ITPR2: variants seen among roughly 807,000 people sequenced by gnomAD.
The protein encoded by ITPR2 is inositol 1,4,5-trisphosphate receptor type 2, also known as inositol 1,4,5-trisphosphate-gated calcium channel ITPR2.
In ITPR2, 207 loss-of-function variants were observed where a neutral mutation model predicts 317.1. The observed-to-expected ratio is 0.65, with a 90% confidence interval of 0.58 to 0.73. The LOEUF is 0.73. Among genes scored for constraint, ITPR2 ranks in the 30% least tolerant of loss-of-function variants. ITPR2 has a pLI of 0.00. For missense variants in ITPR2, 2,613 were observed against 3,284.0 expected (o/e 0.80, Z 4.99); for synonymous variants, 1,156 against 1,149.1 (o/e 1.01, Z -0.12).
At chr12:26,741,655 G>A (rs907212959) in intron 2 of ITPR2, among the ~76,000 whole-genome samples, 7 of 152,192 alleles carry the variant, frequency 4.6e-5, no homozygotes, top group African/African-American at 1.2e-4. Flanking sequence ...TCCCCTGAAC[G>A]TGTAAGAAAA....
chr12:26,762,298 T>A (rs1949649482), intron 2 of ITPR2, among the ~76,000 whole-genome samples: 1 of 152,186 alleles, frequency 6.6e-6, no homozygotes, highest in Non-Finnish European at 1.5e-5. Flanking sequence ...ACACATTAAA[T>A]CATTCTCAAA....
At chr12:26,495,349 T>G in intron 37 of ITPR2, 89 bp from the exon 38 acceptor site, 1 of 695,344 alleles carries the variant, frequency 1.4e-6, no homozygotes, top group Non-Finnish European at 2.4e-6. Context: ...ATGCATTTTG[T>G]GAATGATGTT....
rs557519179 is a variant in ITPR2 at position 26,782,422 on chromosome 12, A to G, written c.163+7735T>C. Among the ~76,000 whole-genome samples the G allele has an allele frequency of 9.2e-5, 14 of 152,284 alleles. No homozygotes were observed. In the South Asian group the frequency reaches 2.9e-3, roughly 32 times the overall value. On this transcript the variant is annotated intron_variant, in intron 2 of 56. Coordinates refer to ENST00000381340, the MANE Select transcript of ITPR2 (RefSeq NM_002223.4). ...AAAAAAAAAAAGTAAGACTAGAAGA[A>G]AAGATCCACAGGAATATGGTCATTC...
chr12:26,715,238 C>T, intron 8 of ITPR2, 61 bp downstream of exon 8: 1 of 1,396,216 alleles, frequency 7.2e-7, no homozygotes, highest in Non-Finnish European at 9.9e-7. Flanking sequence ...AAACAACAAG[C>T]CCAGTGAATC....
chr12:26,498,464 A>G (rs1008208170), intron 37 of ITPR2, among the ~76,000 whole-genome samples: 4 of 152,266 alleles, frequency 2.6e-5, no homozygotes, highest in African/African-American at 4.8e-5. Flanking sequence ...CCTTTGGGTA[A>G]TTACTGCGAC....
chr12:26,810,452 A>T (rs1950715231), intron 1 of ITPR2, among the ~76,000 whole-genome samples: 2 of 152,224 alleles, frequency 1.3e-5, no homozygotes, highest in African/African-American at 2.4e-5. Flanking sequence ...CCTTCTGCTC[A>T]GCACAGCCCG....
chr12:26,461,799 T>C (rs577449422), intron 45 of ITPR2, among the ~76,000 whole-genome samples: 19 of 151,672 alleles, frequency 1.3e-4, no homozygotes, highest in African/African-American at 4.1e-4. Flanking sequence ...ATCTCTAAAA[T>C]TGATCACATT....
At chr12:26,464,974 T>C in intron 45 of ITPR2, among the ~76,000 whole-genome samples, 1 of 152,218 alleles carries the variant, frequency 6.6e-6, no homozygotes, top group East Asian at 1.9e-4. Flanking sequence ...ATGCAGATCC[T>C]GAGCAAGCAG....
At chr12:26,569,554 C>CAAAA (rs34705409) in intron 34 of ITPR2, among the ~76,000 whole-genome samples, 1 of 134,384 alleles carries the variant, frequency 7.4e-6, no homozygotes, top group African/African-American at 2.8e-5. Flanking sequence ...GACTCTGTCT[C>CAAAA]AAAAAAAAAA....
At position 26,602,404 on chromosome 12, in the gene ITPR2, A is replaced by G. The variant is rs768757030; in HGVS notation, c.3644T>C (p.Val1215Ala). ...RLLKNMGAHS[V>A]VLDLLQIPYE... The stretch of plus-strand genomic sequence containing the variant: ...GGGTATCTGCAGAAGATCCAACACC[A>G]CCGAATGCGCCCCCATATTTTTCAG... The change falls in exon 28 of 57, where the codon GTG (valine) becomes GCG (alanine). Residue 1215 changes from valine to alanine, a missense_variant. Physicochemically the swap from Val to Ala is moderately conservative, Grantham distance 64 (BLOSUM62 0). Coordinates refer to ENST00000381340, the MANE Select transcript of ITPR2 (RefSeq NM_002223.4). The G allele has an allele frequency of 6.2e-7, 1 of 1,613,904 alleles. No individual in the cohort carries two copies. The highest frequency in any genetic ancestry group is 8.5e-7 in the Non-Finnish European group (1 of 1,179,826).
At chr12:26,492,543 G>T (rs1942831518) in intron 39 of ITPR2, among the ~76,000 whole-genome samples, 2 of 151,682 alleles carry the variant, frequency 1.3e-5, no homozygotes, top group Non-Finnish European at 2.9e-5. Context: ...ACTTTCTCTA[G>T]AAAGTCCCAA....
intron 32 of ITPR2, among the ~76,000 whole-genome samples, chr12:26,587,313 T>C (rs960206535): frequency 1.3e-5 from 2 of 150,654 alleles, no homozygotes; most frequent in African/African-American, 2.4e-5. Flanking sequence ...AAATGTCAGG[T>C]GGTAATAAAT....
intron 26 of ITPR2, among the ~76,000 whole-genome samples, chr12:26,604,938 A>G (rs1399095100): frequency 1.3e-5 from 2 of 151,856 alleles, no homozygotes; most frequent in Non-Finnish European, 2.9e-5. Flanking sequence ...AAATACAAAA[A>G]TTAGCTGGAT....
intron 2 of ITPR2, among the ~76,000 whole-genome samples, chr12:26,788,460 T>C (rs1373372714): frequency 6.6e-6 from 1 of 152,206 alleles, no homozygotes. Context: ...TACAGATTTG[T>C]TGTCCCAGTC....
chr12:26,429,349 T>C (rs1427441492), intron 48 of ITPR2, among the ~76,000 whole-genome samples: 1 of 152,154 alleles, frequency 6.6e-6, no homozygotes, highest in Non-Finnish European at 1.5e-5. Flanking sequence ...CTCACCAAAT[T>C]TATAATCTGA....
At chr12:26,648,274 C>A (rs753536601) in intron 21 of ITPR2, among the ~76,000 whole-genome samples, 2 of 152,174 alleles carry the variant, frequency 1.3e-5, no homozygotes, top group Non-Finnish European at 2.9e-5. Context: ...AACTGTAAAG[C>A]CTTTTCCTTC....
intron 26 of ITPR2, among the ~76,000 whole-genome samples, chr12:26,613,521 T>A (rs1290683937): frequency 6.6e-6 from 1 of 151,902 alleles, no homozygotes; most frequent in Non-Finnish European, 1.5e-5. Flanking sequence ...CATCAGTCCA[T>A]ACCTAATAAG....
intron 54 of ITPR2, among the ~76,000 whole-genome samples, chr12:26,392,951 G>C (rs1435117802): frequency 6.6e-6 from 1 of 152,160 alleles, no homozygotes; most frequent in African/African-American, 2.4e-5. Context: ...ATGGATGCAA[G>C]AGCTAATCTG....
intron 32 of ITPR2, among the ~76,000 whole-genome samples, chr12:26,592,673 T>C (rs1945735996): frequency 6.6e-6 from 1 of 152,242 alleles, no homozygotes; most frequent in Admixed American, 6.5e-5. Flanking sequence ...CCTAAGATGC[T>C]ATGATTCTTT....
Sources: allele counts gnomAD v4.1 joint callset (sites outside exome capture counted in the v4.1 genomes callset), GRCh38; gene constraint gnomAD v4.1.1; transcripts MANE v1.5; gene names NCBI Gene and HGNC (gene_info 2026-07-23, HGNC 2026-07-21).